DPH6: variants seen among roughly 807,000 people sequenced by gnomAD.
DPH6 encodes diphthine--ammonia ligase.
Under a neutral mutation model 38.2 loss-of-function variants are expected in DPH6, and 33 were observed. That is an observed-to-expected ratio of 0.86 (90% confidence interval 0.65 to 1.15). DPH6 has a LOEUF of 1.15. Ranked by LOEUF, DPH6 falls within the 50% of genes most tolerant of loss-of-function variation. DPH6 has a pLI of 0.00. For missense variants in DPH6, 325 were observed against 320.0 expected (o/e 1.02, Z -0.12); for synonymous variants, 108 against 103.0 (o/e 1.05, Z -0.30).
intron 5 of DPH6, among the ~76,000 whole-genome samples, chr15:35,426,776 T>C (rs1446706676): frequency 6.6e-6 from 1 of 151,460 alleles, no homozygotes; most frequent in African/African-American, 2.4e-5. Flanking sequence ...CCATCCAGGT[T>C]TCTAGGAAGA....
At chr15:35,545,494 T>C (rs1362343957) in intron 1 of DPH6, among the ~76,000 whole-genome samples, 2 of 152,200 alleles carry the variant, frequency 1.3e-5, no homozygotes, top group Non-Finnish European at 2.9e-5. Flanking sequence ...ATTCGGTCTC[T>C]ACCACGAAGA....
intron 7 of DPH6, 124 bp from the exon 8 acceptor site, chr15:35,373,732 G>A: frequency 1.8e-6 from 1 of 560,764 alleles, no homozygotes. Flanking sequence ...TATACAACAT[G>A]TAGTGATTAA....
intron 3 of DPH6, among the ~76,000 whole-genome samples, chr15:35,462,568 G>T (rs1191264615): frequency 6.6e-6 from 1 of 152,054 alleles, no homozygotes; most frequent in African/African-American, 2.4e-5. Flanking sequence ...ACCTTCCCTA[G>T]AATTTATGTG....
chr15:35,434,025 G>C (rs541127323), intron 5 of DPH6, among the ~76,000 whole-genome samples: 22 of 152,246 alleles, frequency 1.4e-4, no homozygotes, highest in African/African-American at 5.3e-4. Context: ...TAAATCAACT[G>C]TCAGGGTACC....
intron 3 of DPH6, among the ~76,000 whole-genome samples, chr15:35,259,557 T>C (rs975533198): frequency 1.3e-5 from 2 of 152,226 alleles, no homozygotes; most frequent in Admixed American, 6.5e-5. Flanking sequence ...GTTTTTATAT[T>C]TGAAATAGTG....
At chr15:35,448,044 G>A (rs1330251190) in intron 5 of DPH6, among the ~76,000 whole-genome samples, 1 of 152,016 alleles carries the variant, frequency 6.6e-6, no homozygotes, top group African/African-American at 2.4e-5. Flanking sequence ...GAAACAGGAG[G>A]TTTTCCAGTA....
chr15:35,474,355 A>C (rs967533754), intron 3 of DPH6, among the ~76,000 whole-genome samples: 1 of 152,150 alleles, frequency 6.6e-6, no homozygotes, highest in Non-Finnish European at 1.5e-5. Context: ...ACTGCCACAT[A>C]AACATATGGA....
chr15:35,436,478 CA>C (rs1555401685), intron 5 of DPH6, among the ~76,000 whole-genome samples: 1 of 61,184 alleles, frequency 1.6e-5, no homozygotes, highest in Non-Finnish European at 3.4e-5. Context: ...ACAAAACAAA[CA>C]AAAACAAAAC....
intron 3 of DPH6, among the ~76,000 whole-genome samples, chr15:35,265,001 C>T (rs1254028517): frequency 1.3e-5 from 2 of 152,106 alleles, no homozygotes; most frequent in African/African-American, 4.8e-5. Flanking sequence ...ACATTACACT[C>T]CGATGTTCAT....
chr15:35,230,912 C>T (rs954520330), intron 3 of DPH6, among the ~76,000 whole-genome samples: 9 of 152,220 alleles, frequency 5.9e-5, no homozygotes, highest in African/African-American at 2.2e-4. Context: ...TTTCCATCTC[C>T]TCTCCTCAAG....
intron 3 of DPH6, among the ~76,000 whole-genome samples, chr15:35,473,687 G>C (rs1207038300): frequency 2.0e-5 from 3 of 152,058 alleles, no homozygotes; most frequent in African/African-American, 7.2e-5. Context: ...AAAACTTATA[G>C]ATATATTCAC....
chr15:35,328,692 A>G (rs2052304337), downstream of DPH6, among the ~76,000 whole-genome samples: 1 of 152,238 alleles, frequency 6.6e-6, no homozygotes, highest in South Asian at 2.1e-4. Context: ...GAAGTTTTAA[A>G]TGAATTGTTC....
At chr15:35,338,148 A>G (rs1456118432) in intron 3 of DPH6, among the ~76,000 whole-genome samples, 1 of 152,168 alleles carries the variant, frequency 6.6e-6, no homozygotes, top group Non-Finnish European at 1.5e-5. Flanking sequence ...AAAACACCAA[A>G]AGCAATGGCA....
At chr15:35,351,883 G>A (rs189447843) in intron 3 of DPH6, among the ~76,000 whole-genome samples, 1 of 151,806 alleles carries the variant, frequency 6.6e-6, no homozygotes, top group South Asian at 2.1e-4. Flanking sequence ...CAGCACACTT[G>A]GCTAATTAAA....
chr15:35,402,019 G>A (rs1267768528), intron 6 of DPH6, among the ~76,000 whole-genome samples: 1 of 152,102 alleles, frequency 6.6e-6, no homozygotes, highest in Non-Finnish European at 1.5e-5. Context: ...TCCAACAAAG[G>A]GTATCAATGT....
chr15:35,458,028 C>G (rs1301664797), intron 3 of DPH6, among the ~76,000 whole-genome samples: 2 of 152,256 alleles, frequency 1.3e-5, no homozygotes, highest in Non-Finnish European at 2.9e-5. Context: ...AATGCATATC[C>G]TTGCATAAAC....
At position 35,319,566 on chromosome 15, in the gene DPH6, C is replaced by A. The variant is rs546867827; in HGVS notation, n.200+53955G>T. On this transcript the variant is annotated intron_variant and non_coding_transcript_variant, in intron 3 of 3. Coordinates refer to the DPH6 transcript ENST00000560386. ...GACCAGGCTGGCCAACGTGGAGAAA[C>A]CCCGTCTCCACTAAAAATACAAAAA... Among the ~76,000 whole-genome samples the A allele has an allele frequency of 3.3e-5, 5 of 152,110 alleles. No individual in the cohort carries two copies. The East Asian group carries it at 9.7e-4, about 29-fold the overall frequency.
chr15:35,463,681 T>C (rs976459494), intron 3 of DPH6, among the ~76,000 whole-genome samples: 1 of 152,210 alleles, frequency 6.6e-6, no homozygotes, highest in African/African-American at 2.4e-5. Flanking sequence ...TTTTGAGTAG[T>C]ATTTCATTTT....
At chr15:35,175,068 C>T in the DPH6 span, among the ~76,000 whole-genome samples, 106,421 of 152,112 alleles carry the variant, frequency 0.7, 37,895 homozygotes, top group Middle Eastern at 0.78. Flanking sequence ...GATCACAAGT[C>T]CACTTGATAT....
Sources: allele counts gnomAD v4.1 joint callset (sites outside exome capture counted in the v4.1 genomes callset), GRCh38; gene constraint gnomAD v4.1.1; transcripts MANE v1.5; gene names NCBI Gene and HGNC (gene_info 2026-07-23, HGNC 2026-07-21).